ELMO1: variants seen among roughly 807,000 people sequenced by gnomAD.
The protein encoded by ELMO1 is engulfment and cell motility protein 1.
Under a neutral mutation model 98.9 loss-of-function variants are expected in ELMO1, and 26 were observed. The ratio of observed to expected loss-of-function variants is 0.26; its 90% CI spans 0.19 to 0.36. The LOEUF (loss-of-function observed/expected upper bound fraction) is 0.36, where lower values mean the gene tolerates loss of function less well. Ranked by LOEUF, ELMO1 falls within the 10% of genes least tolerant of loss-of-function variation. The pLI is 1.00. For missense variants in ELMO1, 627 were observed against 935.2 expected, an observed-to-expected ratio of 0.67 and a Z score of 4.30; for synonymous variants, 346 against 346.0, an observed-to-expected ratio of 1.00 and a Z score of 0.00.
intron 18 of ELMO1, among the ~76,000 whole-genome samples, chr7:36,884,783 G>T (rs1409637253): frequency 6.6e-6 from 1 of 152,220 alleles, no homozygotes; most frequent in African/African-American, 2.4e-5. Flanking sequence ...CAGTTCTGTG[G>T]AGCTGTAAGT....
intron 13 of ELMO1, among the ~76,000 whole-genome samples, chr7:37,141,428 G>A (rs1189763781): frequency 6.6e-6 from 1 of 152,032 alleles, no homozygotes; most frequent in Non-Finnish European, 1.5e-5. Context: ...ACACTGCTCG[G>A]GTGACAGGTG....
chr7:36,947,991 A>G (rs150991490), intron 16 of ELMO1, among the ~76,000 whole-genome samples: 64 of 152,328 alleles, frequency 4.2e-4, no homozygotes, highest in African/African-American at 1.5e-3. Context: ...ACACTTGTCT[A>G]TCATAGACAC....
At position 36,870,522 on chromosome 7, in the gene ELMO1, T is replaced by C. The variant is rs771151079; in HGVS notation, c.1823-47A>G. On this transcript the variant is annotated intron_variant, in intron 19 of 21. Transcript: ENST00000310758. The surrounding 1 kb of genome is among the most constrained non-coding windows in gnomAD (Gnocchi z 4.4). ...GCAAGTAACTACACCATGTGAAAAC[T>C]TTGATGTCAATAAAGAAACAGGACT... is the stretch of plus-strand genomic sequence containing the variant. 1.3e-6 allele frequency: 2 copies of C among 1,582,362 alleles called. No individual in the cohort carries two copies. The highest frequency in any genetic ancestry group is 1.7e-5 in the Admixed American group (1 of 57,572).
At chr7:36,902,773 T>C (rs997948945) in intron 16 of ELMO1, among the ~76,000 whole-genome samples, 2 of 152,192 alleles carry the variant, frequency 1.3e-5, no homozygotes, top group African/African-American at 4.8e-5. Flanking sequence ...AACCTGCATG[T>C]TGACGAAAGT....
intron 15 of ELMO1, among the ~76,000 whole-genome samples, chr7:37,052,849 G>A (rs1002932334): frequency 1.3e-5 from 2 of 152,152 alleles, no homozygotes; most frequent in Admixed American, 6.5e-5. Context: ...CCCAGCCTCC[G>A]TTCAGCACCA....
At chr7:37,028,722 A>G (rs1407036607) in intron 15 of ELMO1, among the ~76,000 whole-genome samples, 1 of 152,182 alleles carries the variant, frequency 6.6e-6, no homozygotes, top group African/African-American at 2.4e-5. Context: ...ACCTAGGACT[A>G]TAAGCATGTG....
chr7:37,335,642 T>C (rs1800362005), intron 2 of ELMO1, among the ~76,000 whole-genome samples: 1 of 152,292 alleles, frequency 6.6e-6, no homozygotes, highest in Non-Finnish European at 1.5e-5. Flanking sequence ...ACAAAGGTGC[T>C]GCAGCAGGAG....
chr7:37,036,768 T>G (rs1795196643), intron 15 of ELMO1, among the ~76,000 whole-genome samples: 1 of 152,128 alleles, frequency 6.6e-6, no homozygotes, highest in Non-Finnish European at 1.5e-5. Flanking sequence ...GTGCCGGAAT[T>G]TCATCTTCTT....
chr7:37,129,033 C>A (rs145334489), intron 14 of ELMO1, among the ~76,000 whole-genome samples: 6 of 152,150 alleles, frequency 3.9e-5, no homozygotes, highest in African/African-American at 1.4e-4. Context: ...GGCTGTCCAA[C>A]AGGCACATGA....
At chr7:36,965,776 T>C (rs373259726) in intron 16 of ELMO1, among the ~76,000 whole-genome samples, 26 of 152,176 alleles carry the variant, frequency 1.7e-4, no homozygotes, top group African/African-American at 6.0e-4. Flanking sequence ...AAACACATCA[T>C]TTCCTCTGCA....
chr7:37,002,658 A>T (rs535211571), intron 16 of ELMO1, among the ~76,000 whole-genome samples: 25 of 152,342 alleles, frequency 1.6e-4, no homozygotes, highest in African/African-American at 5.8e-4. Context: ...TTGTAGACAC[A>T]AATAAATATC....
At chr7:37,339,342 G>T (rs1421904668) in intron 2 of ELMO1, among the ~76,000 whole-genome samples, 4 of 152,348 alleles carry the variant, frequency 2.6e-5, no homozygotes, top group Admixed American at 2.6e-4. Context: ...GGACCACTGG[G>T]TTCAGTTGAT....
At chr7:37,239,196 C>T (rs1366804745) in intron 7 of ELMO1, among the ~76,000 whole-genome samples, 2 of 151,732 alleles carry the variant, frequency 1.3e-5, no homozygotes, top group African/African-American at 2.4e-5. Flanking sequence ...GATGGAGTCT[C>T]GCTCTGTCGC....
At chr7:37,266,072 C>G (rs1362841984) in intron 5 of ELMO1, among the ~76,000 whole-genome samples, 1 of 152,298 alleles carries the variant, frequency 6.6e-6, no homozygotes, top group East Asian at 1.9e-4. Context: ...CTGGCCGCCC[C>G]TGCAATCTGT....
intron 15 of ELMO1, among the ~76,000 whole-genome samples, chr7:37,042,922 T>C (rs761610833): frequency 1.3e-5 from 2 of 152,244 alleles, no homozygotes; most frequent in Non-Finnish European, 2.9e-5. Flanking sequence ...TGATACATGA[T>C]ATTTTCTTCT....
chr7:36,905,042 T>C (rs1783854947), intron 16 of ELMO1, among the ~76,000 whole-genome samples: 1 of 152,182 alleles, frequency 6.6e-6, no homozygotes. Flanking sequence ...AATCCACAGC[T>C]TTAAATAAAC....
At chr7:37,307,742 C>CT (rs1396904186) in intron 4 of ELMO1, among the ~76,000 whole-genome samples, 1 of 152,214 alleles carries the variant, frequency 6.6e-6, no homozygotes, top group Non-Finnish European at 1.5e-5. Context: ...ACATTTAAGA[C>CT]TATCATCTCG....
intron 4 of ELMO1, among the ~76,000 whole-genome samples, chr7:37,295,524 C>T (rs894794615): frequency 6.6e-6 from 1 of 152,178 alleles, no homozygotes; most frequent in Non-Finnish European, 1.5e-5. Flanking sequence ...AATGAGAGAA[C>T]AATTAAAGAT....
chr7:37,277,737 G>A (rs1486428219), intron 4 of ELMO1, among the ~76,000 whole-genome samples: 2 of 152,194 alleles, frequency 1.3e-5, no homozygotes, highest in Non-Finnish European at 2.9e-5. Context: ...AGAGCCTCTG[G>A]GCTGAGAATA....
Sources: allele counts gnomAD v4.1 joint callset (sites outside exome capture counted in the v4.1 genomes callset), GRCh38; gene constraint gnomAD v4.1.1; non-coding constraint Gnocchi (gnomAD v3.1); transcripts MANE v1.5; gene names NCBI Gene and HGNC (gene_info 2026-07-23, HGNC 2026-07-21).